Variants in ATXN1 observed in about 807,000 individuals in gnomAD.
ATXN1 encodes ataxin 1, also known as ataxin-1.
A neutral mutation model predicts 56.4 loss-of-function variants in ATXN1; 8 were observed. The ratio of observed to expected loss-of-function variants is 0.14; its 90% confidence interval spans 0.08 to 0.26. The LOEUF is 0.26. ATXN1 is among the 10% of genes least tolerant of loss of function. The pLI, the probability that ATXN1 is intolerant of heterozygous loss-of-function variation, is 1.00. For synonymous variants in ATXN1, 514 were observed against 494.6 expected, an observed-to-expected ratio of 1.04 and a Z score of -0.52; for missense variants, 987 against 1,106.5, an observed-to-expected ratio of 0.89 and a Z score of 1.53.
chr6:16,591,033 G>C (rs1241425291), intron 3 of ATXN1, among the ~76,000 whole-genome samples: 1 of 152,022 alleles, frequency 6.6e-6, no homozygotes, highest in Non-Finnish European at 1.5e-5. Flanking sequence ...GTAGAGATGG[G>C]GTTTCTCCAT....
At chr6:16,378,572 T>TATTC (rs1554141919) in intron 6 of ATXN1, among the ~76,000 whole-genome samples, 107 of 147,850 alleles carry the variant, frequency 7.2e-4, no homozygotes, top group African/African-American at 2.6e-3. Context: ...TTTATTTATT[T>TATTC]ATTTAGAGAC....
At chr6:16,477,070 A>G (rs912111652) in intron 6 of ATXN1, among the ~76,000 whole-genome samples, 3 of 152,238 alleles carry the variant, frequency 2.0e-5, no homozygotes, top group Admixed American at 2.0e-4. Flanking sequence ...GTGGGTCTTC[A>G]ATGCTCTGGG....
chr6:16,713,940 A>C (rs1310493528), intron 2 of ATXN1, among the ~76,000 whole-genome samples: 1 of 152,162 alleles, frequency 6.6e-6, no homozygotes, highest in East Asian at 1.9e-4. Flanking sequence ...GGTGGATCAC[A>C]TGAGGCCAGA....
intron 6 of ATXN1, among the ~76,000 whole-genome samples, chr6:16,357,598 G>A (rs758249939): frequency 4.6e-5 from 7 of 152,134 alleles, no homozygotes; most frequent in Non-Finnish European, 7.3e-5. Flanking sequence ...GCTTAACCGA[G>A]TCCAGAATTT....
At chr6:16,714,218 CA>C (rs1301749256) in intron 2 of ATXN1, among the ~76,000 whole-genome samples, 2 of 131,482 alleles carry the variant, frequency 1.5e-5, no homozygotes, top group Non-Finnish European at 3.2e-5. Flanking sequence ...CACACACACA[CA>C]CACACACCAA....
At chr6:16,385,788 T>A (rs896067330) in intron 6 of ATXN1, among the ~76,000 whole-genome samples, 2 of 152,246 alleles carry the variant, frequency 1.3e-5, no homozygotes, top group Admixed American at 6.5e-5. Flanking sequence ...CAGGTTTGGC[T>A]TACTACTTTG....
intron 6 of ATXN1, among the ~76,000 whole-genome samples, chr6:16,479,120 G>T (rs781586703): frequency 2.6e-5 from 4 of 152,152 alleles, no homozygotes; most frequent in Non-Finnish European, 5.9e-5. Context: ...AAAAGATTAT[G>T]ATAGAGGATA....
chr6:16,616,030 G>T (rs977645908), intron 3 of ATXN1: 3 of 151,038 alleles, frequency 2.0e-5, no homozygotes, highest in Admixed American at 1.3e-4. Flanking sequence ...GCAAGACTCT[G>T]TCTCAAGAAA....
chr6:16,627,843 A>T (rs565427462), intron 3 of ATXN1, among the ~76,000 whole-genome samples: 21 of 152,348 alleles, frequency 1.4e-4, no homozygotes, highest in African/African-American at 4.3e-4. Flanking sequence ...GGGGAGGTCA[A>T]CTTGTGAGCA....
chr6:16,712,103 G>A (rs956010814), intron 2 of ATXN1, among the ~76,000 whole-genome samples: 2 of 152,116 alleles, frequency 1.3e-5, no homozygotes, highest in Admixed American at 6.5e-5. Flanking sequence ...CTGGGGTGAT[G>A]GAAATGTCCC....
At chr6:16,576,107 A>C (rs1465801649) in intron 4 of ATXN1, among the ~76,000 whole-genome samples, 2 of 152,214 alleles carry the variant, frequency 1.3e-5, no homozygotes, top group Non-Finnish European at 2.9e-5. Context: ...GTAAAAAAAA[A>C]AAAATCTGAA....
intron 2 of ATXN1, among the ~76,000 whole-genome samples, chr6:16,731,011 C>G (rs533661438): frequency 6.6e-6 from 1 of 152,140 alleles, no homozygotes; most frequent in Non-Finnish European, 1.5e-5. Flanking sequence ...ATGTCATTAA[C>G]GTTGCACAAT....
intron 3 of ATXN1, among the ~76,000 whole-genome samples, chr6:16,631,100 G>A (rs768874560): frequency 3.9e-5 from 6 of 152,152 alleles, no homozygotes; most frequent in East Asian, 3.8e-4. Context: ...GCTGACTGCC[G>A]TATGTGCAGC....
At chr6:16,696,932 C>A (rs918272335) in intron 2 of ATXN1, among the ~76,000 whole-genome samples, 2 of 152,184 alleles carry the variant, frequency 1.3e-5, no homozygotes, top group Non-Finnish European at 2.9e-5. Context: ...CTCGACTCTT[C>A]TTTCTCTAAT....
chr6:16,533,812 C>A (rs901325008), intron 4 of ATXN1, among the ~76,000 whole-genome samples: 2 of 152,100 alleles, frequency 1.3e-5, no homozygotes, highest in African/African-American at 4.8e-5. Context: ...GAGTCTAATT[C>A]GGCATAACAC....
At chr6:16,337,990 T>C (rs179988) in intron 6 of ATXN1, among the ~76,000 whole-genome samples, 115,564 of 152,204 alleles carry the variant, frequency 0.76, 44,859 homozygotes, top group East Asian at 1. Context: ...ACCCGATGCA[T>C]GAAGCATTCA....
At chr6:16,538,778 C>T (rs936689526) in intron 4 of ATXN1, among the ~76,000 whole-genome samples, 1 of 152,126 alleles carries the variant, frequency 6.6e-6, no homozygotes, top group Non-Finnish European at 1.5e-5. Context: ...CTACGCCTCC[C>T]AGGTTCAAGC....
At chr6:16,403,486 G>A (rs114344437) in intron 6 of ATXN1, among the ~76,000 whole-genome samples, 265 of 152,240 alleles carry the variant, frequency 1.7e-3, no homozygotes, top group African/African-American at 6.2e-3. Context: ...AAGTAGTTGG[G>A]ACTACAGATG....
intron 5 of ATXN1, among the ~76,000 whole-genome samples, 181 bp from the exon 6 acceptor site, chr6:16,486,290 A>G (rs1423165299): frequency 1.3e-5 from 2 of 152,236 alleles, no homozygotes; most frequent in Non-Finnish European, 2.9e-5. Context: ...AACATGGTAC[A>G]GCCAGCCTCT....
Sources: allele counts gnomAD v4.1 joint callset (sites outside exome capture counted in the v4.1 genomes callset), GRCh38; gene constraint gnomAD v4.1.1; transcripts MANE v1.5; gene names NCBI Gene and HGNC (gene_info 2026-07-23, HGNC 2026-07-21).